The following ASIC5 variants were observed in gnomAD, a reference collection of about 807,000 sequenced individuals.
ASIC5 encodes the protein acid sensing ion channel subunit family member 5, also known as bile acid-sensitive ion channel.
In ASIC5, 52 loss-of-function variants were observed where a neutral mutation model predicts 51.2. The observed-to-expected ratio is 1.02, with a 90% confidence interval of 0.81 to 1.28. The LOEUF (loss-of-function observed/expected upper bound fraction) is 1.28. Ranked by LOEUF, ASIC5 falls within the 50% of genes most tolerant of loss-of-function variation. The pLI is 0.00. For missense variants in ASIC5, 635 were observed against 595.0 expected (o/e 1.07, Z -0.70); for synonymous variants, 231 against 200.7 (o/e 1.15, Z -1.28).
chr4:155,847,653 C>T (rs1293345017), intron 4 of ASIC5, among the ~76,000 whole-genome samples: 2 of 151,834 alleles, frequency 1.3e-5, no homozygotes, highest in East Asian at 1.9e-4. Context: ...ACCCAGTCAG[C>T]GGAAGTTGCA....
rs535293122 is a variant in ASIC5, at chr4:155,844,231, A to G, written c.712-401T>C. Among the ~76,000 whole-genome samples the G allele has an allele frequency of 2.6e-5, 4 of 152,140 alleles. No homozygotes were observed. In the East Asian group the frequency reaches 5.8e-4, roughly 22 times the overall value. On this transcript the variant is annotated intron_variant, in intron 4 of 9. Transcript: ENST00000537611. ...ACCAATAGGACGATTGCTGAACTCC[A>G]GGAACTCTTTCCTCCAGGGATCCCT...
intron 9 of ASIC5, among the ~76,000 whole-genome samples, chr4:155,830,406 T>G (rs1740847534): frequency 6.6e-6 from 1 of 152,202 alleles, no homozygotes; most frequent in Admixed American, 6.5e-5. Flanking sequence ...AAGGCACTAC[T>G]GGATGATGAT....
intron 2 of ASIC5, among the ~76,000 whole-genome samples, chr4:155,859,079 C>G (rs1381949511): frequency 6.6e-6 from 1 of 151,896 alleles, no homozygotes; most frequent in East Asian, 1.9e-4. Flanking sequence ...TATGTGCCTT[C>G]TATCTTTGCA....
At chr4:155,857,244 C>A (rs1051581013) in intron 2 of ASIC5, among the ~76,000 whole-genome samples, 1 of 151,978 alleles carries the variant, frequency 6.6e-6, no homozygotes, top group African/African-American at 2.4e-5. Context: ...CCACTTCAGC[C>A]CCCCACATAG....
At chr4:155,839,877 A>G (rs1741078050) in intron 6 of ASIC5, among the ~76,000 whole-genome samples, 1 of 152,166 alleles carries the variant, frequency 6.6e-6, no homozygotes, top group South Asian at 2.1e-4. Flanking sequence ...AAAACAAACA[A>G]ACAAAAGAAC....
chr4:155,836,637 G>GA (rs35125837), intron 8 of ASIC5, 52 bp downstream of exon 8: 939,355 of 1,048,096 alleles, frequency 0.9, 421,619 homozygotes, highest in Non-Finnish European at 0.92. Context: ...TTTCAATAAA[G>GA]AAAAAAAAAT....
rs576286629 is a variant in ASIC5 at position 155,839,701 on chromosome 4, T to C, written c.1010-832A>G. Among the ~76,000 whole-genome samples the C allele has an allele frequency of 3.6e-4, 55 of 151,366 alleles. 1 individual carries two copies. In the Middle Eastern group the frequency reaches 0.02, roughly 56 times the overall value. On this transcript the variant is annotated intron_variant, in intron 6 of 9. Coordinates refer to ENST00000537611, the MANE Select transcript of ASIC5 (RefSeq NM_017419.3). ...TGGCTAACTGTAAGGAAGTGCTCTT[T>C]ATGAATAAAATACAATAAGTAAAAA...
At chr4:155,844,061 A>G (rs1415303367) in intron 4 of ASIC5, among the ~76,000 whole-genome samples, 1 of 152,072 alleles carries the variant, frequency 6.6e-6, no homozygotes, top group East Asian at 1.9e-4. Flanking sequence ...TCTACTCAGG[A>G]CAGTCCTGAA....
At position 155,851,610 on chromosome 4, in the gene ASIC5, C is replaced by T. The variant is rs538260250; in HGVS notation, c.711+581G>A. ...TTGGGTGGGAGCTATACTAGGAACC[C>T]TTGAAGAAAACACCACTGCATTTCT... is the stretch of plus-strand genomic sequence containing the variant. On this transcript the variant is annotated intron_variant, in intron 4 of 9. Coordinates refer to ENST00000537611, the MANE Select transcript of ASIC5 (RefSeq NM_017419.3). 2.0e-5 allele frequency among the ~76,000 whole-genome samples: 3 copies of T among 152,010 alleles called. No individual in the cohort carries two copies. The East Asian group carries it at 5.8e-4, about 30-fold the overall frequency.
At chr4:155,847,604 C>T (rs1175445531) in intron 4 of ASIC5, among the ~76,000 whole-genome samples, 1 of 152,024 alleles carries the variant, frequency 6.6e-6, no homozygotes, top group Non-Finnish European at 1.5e-5. Flanking sequence ...TGCCTGTAGT[C>T]CCAGCTACCT....
chr4:155,861,694 G>T lies in ASIC5; in HGVS notation c.347+1754C>A, dbSNP rs367738131. On this transcript the variant is annotated intron_variant, in intron 2 of 9. Coordinates refer to ENST00000537611, the MANE Select transcript of ASIC5 (RefSeq NM_017419.3). ...TTTCATTAGTAATATAGTTAGATTTGCATCTGCCGTTTTACTTTTTGTTTT... is the reference window on the plus strand; with the variant it reads ...TTTCATTAGTAATATAGTTAGATTTTCATCTGCCGTTTTACTTTTTGTTTT... Among the ~76,000 whole-genome samples, 14 of 151,990 alleles carry T rather than the reference G, an allele frequency of 9.2e-5. No individual in the cohort carries two copies. In the East Asian group the frequency reaches 2.3e-3, roughly 25 times the overall value.
chr4:155,836,661 C>T (rs1012185190), intron 8 of ASIC5, 28 bp downstream of exon 8: 4 of 1,392,258 alleles, frequency 2.9e-6, no homozygotes, highest in Non-Finnish European at 9.8e-7. Context: ...TGTTAATTAT[C>T]AATAATTTAA....
At chr4:155,853,999 C>T in intron 3 of ASIC5, 78 bp downstream of exon 3, 1 of 1,080,338 alleles carries the variant, frequency 9.3e-7, no homozygotes, top group South Asian at 1.5e-5. Flanking sequence ...GGAGTAAATG[C>T]CGTGGGAGCT....
intron 7 of ASIC5, among the ~76,000 whole-genome samples, 158 bp from the exon 8 acceptor site, chr4:155,837,015 A>G (rs1740998321): frequency 6.6e-6 from 1 of 152,226 alleles, no homozygotes; most frequent in Non-Finnish European, 1.5e-5. Context: ...TACTCTGAAT[A>G]TAGCAGAGGA....
At chr4:155,845,287 C>T (rs1031539827) in intron 4 of ASIC5, among the ~76,000 whole-genome samples, 1 of 151,184 alleles carries the variant, frequency 6.6e-6, no homozygotes, top group African/African-American at 2.4e-5. Context: ...AGATTAACAT[C>T]CAAGATGTGT....
Position 155,863,679 on chromosome 4 carries a change from T to A in ASIC5, c.116A>T (p.His39Leu), listed in dbSNP as rs956991549. 1 of 1,614,000 alleles carries A rather than the reference T, an allele frequency of 6.2e-7. No individual in the cohort carries two copies. The highest frequency in any genetic ancestry group is 8.5e-7 in the Non-Finnish European group (1 of 1,179,904). The part of the protein sequence containing the change: ...PSPTERKKFD[H>L]DFAISTSFHG... The stretch of plus-strand genomic sequence containing the variant: ...AAAGGAAGTGGAGATGGCAAAGTCA[T>A]GGTCAAACTTCTTTCGCTCAGTGGG... The change falls in exon 2 of 10, where the codon CAT (histidine) becomes CTT (leucine). Residue 39 changes from histidine (H) to leucine (L), a missense_variant. By Grantham distance (99) the His-to-Leu change is moderately conservative (BLOSUM62 -3). Transcript: ENST00000537611.
intron 4 of ASIC5, 45 bp from the exon 5 acceptor site, chr4:155,843,875 T>A (rs1279407833): frequency 1.9e-6 from 3 of 1,596,126 alleles, no homozygotes; most frequent in Non-Finnish European, 2.6e-6. Context: ...ATTGACTATA[T>A]CAGTTCTAAA....
intron 4 of ASIC5, among the ~76,000 whole-genome samples, chr4:155,851,738 A>G (rs1741385948): frequency 6.6e-6 from 1 of 152,030 alleles, no homozygotes. Context: ...TTTATATAAT[A>G]TTCTTTATAT....
In ASIC5 at chr4:155,865,414, C is replaced by T. The variant is rs76002675; in HGVS notation, c.40+773G>A. 3.0e-3 allele frequency among the ~76,000 whole-genome samples: 449 copies of T among 151,802 alleles called. 3 individuals are homozygous for T. The highest frequency in any genetic ancestry group is 5.4e-3 in the Admixed American group (82 of 15,236). ...TTTAGTCATGACTTGCAAACATATG[C>T]GAAGAATTTACTCTGATAAAAGAAC... On this transcript the variant is annotated intron_variant, in intron 1 of 9. Transcript: ENST00000537611.
Sources: gnomAD v4.1 joint callset for allele counts (sites outside exome capture counted in the v4.1 genomes callset) on GRCh38, gnomAD v4.1.1 for gene constraint, MANE v1.5 for transcripts, NCBI Gene and HGNC (gene_info 2026-07-23, HGNC 2026-07-21) for gene names.